The following PYM1 variants were observed in gnomAD, a reference collection of about 807,000 sequenced individuals.
The protein encoded by PYM1 is PYM1 exon junction complex associated factor.
Under a neutral mutation model 20.7 loss-of-function variants are expected in PYM1, and 7 were observed. The observed-to-expected ratio is 0.34, with a 90% confidence interval of 0.19 to 0.64. The LOEUF is 0.64. PYM1 is among the 30% of genes least tolerant of loss of function. The pLI, the probability that PYM1 is intolerant of heterozygous loss-of-function variation, is 0.74. For synonymous variants in PYM1, 100 were observed against 99.2 expected (o/e 1.01, Z -0.05); for missense variants, 194 against 250.0 (o/e 0.78, Z 1.51).
intron 1 of PYM1, among the ~76,000 whole-genome samples, chr12:55,918,191 G>C (rs1183410578): frequency 6.6e-6 from 1 of 150,552 alleles, no homozygotes; most frequent in Non-Finnish European, 1.5e-5. Flanking sequence ...TCCGCCTCCC[G>C]GGTTCACGCC....
chr12:55,911,401 T>C (rs1592637813), intron 1 of PYM1, among the ~76,000 whole-genome samples: 1 of 152,106 alleles, frequency 6.6e-6, no homozygotes, highest in Non-Finnish European at 1.5e-5. Flanking sequence ...TGTGAGTGAC[T>C]GAGCCCGGCC....
At chr12:55,902,831 A>G (rs1024783866) in intron 2 of PYM1, among the ~76,000 whole-genome samples, 3 of 150,136 alleles carry the variant, frequency 2.0e-5, no homozygotes, top group Non-Finnish European at 4.4e-5. Context: ...CACTGGCGCA[A>G]TCTCAGCTCA....
intron 1 of PYM1, among the ~76,000 whole-genome samples, chr12:55,905,472 C>T (rs904414638): frequency 1.3e-4 from 19 of 150,680 alleles, no homozygotes; most frequent in African/African-American, 3.4e-4. Flanking sequence ...GAGGCTGAGG[C>T]GGGCGGATCA....
chr12:55,927,007 C>T lies in PYM1; in HGVS notation c.37+718G>A, dbSNP rs544475282. The T allele has an allele frequency of 1.2e-3, 1,733 of 1,445,976 alleles. 13 individuals are homozygous for T. The highest frequency in any genetic ancestry group is 7.8e-4 in the Non-Finnish European group (849 of 1,087,228). The allele number at this position is 1,445,976 out of a possible 1,614,324, so 89.6% of individuals were successfully genotyped here. Reference sequence around the variant, plus strand: ...GGCCCCGGGATGGGCGGGGCACAGACCCCTTTCCAAGTCCGAACCCCTGCC... The same window carrying T: ...GGCCCCGGGATGGGCGGGGCACAGATCCCTTTCCAAGTCCGAACCCCTGCC... On this transcript the variant is annotated intron_variant, in intron 1 of 2. Coordinates refer to ENST00000408946, the MANE Select transcript of PYM1 (RefSeq NM_032345.3).
chr12:55,922,754 C>T (rs944992730), intron 1 of PYM1, among the ~76,000 whole-genome samples: 29 of 152,132 alleles, frequency 1.9e-4, no homozygotes, highest in South Asian at 1.0e-3. Context: ...AGAAATACAT[C>T]AGACAAATTC....
chr12:55,905,708 A>AAG (rs1882784514), intron 1 of PYM1, among the ~76,000 whole-genome samples: 1 of 37,596 alleles, frequency 2.7e-5, no homozygotes, highest in East Asian at 8.8e-4. Context: ...AACCCAATTA[A>AAG]AAAATATATA....
At chr12:55,925,997 A>C (rs768006150) in intron 1 of PYM1, among the ~76,000 whole-genome samples, 25 of 152,178 alleles carry the variant, frequency 1.6e-4, no homozygotes, top group Non-Finnish European at 3.1e-4. Context: ...AGATACCATA[A>C]AATAGGTGGG....
chr12:55,905,827 T>TCACCTAAGTGTTTGAATTTTATCATTGG (rs1882789264), intron 1 of PYM1, among the ~76,000 whole-genome samples: 1 of 125,800 alleles, frequency 7.9e-6, no homozygotes, highest in African/African-American at 3.0e-5. Context: ...ATTCTAATTT[T>TCACCTAAGTGTTTGAATTTTATCATTGG]CTATATATAT....
chr12:55,905,905 A>AGATATATATATTATTATATATATCTAT (rs1565714469), intron 1 of PYM1, among the ~76,000 whole-genome samples: 5,894 of 65,218 alleles, frequency 0.09, 1,602 homozygotes, highest in Non-Finnish European at 0.11. Flanking sequence ...TATATATCTA[A>AGATATATATATTATTATATATATCTAT]TAGATATATA....
chr12:55,919,883 A>T (rs546821029), intron 1 of PYM1, among the ~76,000 whole-genome samples: 1 of 132,720 alleles, frequency 7.5e-6, no homozygotes, highest in Admixed American at 8.3e-5. Flanking sequence ...ACAGAGCAAG[A>T]CTCCGTCTCA....
intron 1 of PYM1, among the ~76,000 whole-genome samples, chr12:55,909,484 A>T (rs1882882831): frequency 6.6e-6 from 1 of 152,122 alleles, no homozygotes. Flanking sequence ...TTAATCCTTT[A>T]TGCGAAGTAT....
At chr12:55,911,002 C>T (rs553486739) in intron 1 of PYM1, among the ~76,000 whole-genome samples, 24 of 152,288 alleles carry the variant, frequency 1.6e-4, no homozygotes, top group African/African-American at 5.5e-4. Flanking sequence ...AGATGACAAA[C>T]GTTTCCTATT....
chr12:55,906,032 T>C (rs1252077731), intron 1 of PYM1, among the ~76,000 whole-genome samples: 1 of 145,758 alleles, frequency 6.9e-6, no homozygotes, highest in Non-Finnish European at 1.5e-5. Flanking sequence ...TTCACCTAAG[T>C]GTTTGAATTT....
chr12:55,926,353 C>A (rs1270172124), intron 1 of PYM1, among the ~76,000 whole-genome samples: 1 of 152,166 alleles, frequency 6.6e-6, no homozygotes, highest in Non-Finnish European at 1.5e-5. Context: ...AGCCAGGCTG[C>A]AAATTCTTCT....
intron 1 of PYM1, among the ~76,000 whole-genome samples, chr12:55,919,028 G>A (rs1173906910): frequency 2.0e-5 from 3 of 152,138 alleles, no homozygotes; most frequent in Non-Finnish European, 2.9e-5. Flanking sequence ...AAAAGATTTT[G>A]CGTTTGTTTT....
intron 1 of PYM1, chr12:55,927,101 A>G (rs1344889538): frequency 2.6e-6 from 4 of 1,547,690 alleles, no homozygotes; most frequent in Non-Finnish European, 2.6e-6. Flanking sequence ...TAACATAGGG[A>G]GTCGCCATCT....
At chr12:55,922,971 A>G (rs1325676355) in intron 1 of PYM1, among the ~76,000 whole-genome samples, 1 of 152,202 alleles carries the variant, frequency 6.6e-6, no homozygotes, top group Non-Finnish European at 1.5e-5. Context: ...CACACCTGTA[A>G]TCCCAGCACT....
chr12:55,915,432 G>A (rs1288173230), intron 1 of PYM1, among the ~76,000 whole-genome samples: 2 of 151,682 alleles, frequency 1.3e-5, no homozygotes, highest in East Asian at 3.9e-4. Context: ...GCTGGGCTTG[G>A]TGGCACACAC....
chr12:55,905,869 A>C (rs1565714407), intron 1 of PYM1, among the ~76,000 whole-genome samples: 1 of 127,244 alleles, frequency 7.9e-6, no homozygotes, highest in African/African-American at 3.0e-5. Flanking sequence ...AGATATATAT[A>C]TATCTATTAG....
Sources: gnomAD v4.1 joint callset for allele counts (sites outside exome capture counted in the v4.1 genomes callset) on GRCh38, gnomAD v4.1.1 for gene constraint, MANE v1.5 for transcripts, NCBI Gene and HGNC (gene_info 2026-07-23, HGNC 2026-07-21) for gene names.